CD1B: variants seen among roughly 807,000 people sequenced by gnomAD.
The protein encoded by CD1B is T-cell surface glycoprotein CD1b.
CD1B carries 43 observed loss-of-function variants against 39.8 expected under a neutral mutation model. That is an observed-to-expected ratio of 1.08 (90% CI 0.85 to 1.39). CD1B has a LOEUF of 1.39. Ranked by LOEUF, CD1B falls within the 40% of genes most tolerant of loss-of-function variation. The pLI is 0.00. For synonymous variants in CD1B, 192 were observed against 152.5 expected (o/e 1.26, Z -1.91); for missense variants, 495 against 403.8 (o/e 1.23, Z -1.94).
the CD1B span, among the ~76,000 whole-genome samples, chr1:158,310,642 A>T: frequency 1.3e-5 from 2 of 152,178 alleles, no homozygotes; most frequent in Non-Finnish European, 2.9e-5. Flanking sequence ...TCCTTAAAAA[A>T]TAGGCAAAGA....
At chr1:158,321,569 T>C in the CD1B span, among the ~76,000 whole-genome samples, 1 of 152,350 alleles carries the variant, frequency 6.6e-6, no homozygotes, top group East Asian at 1.9e-4. Flanking sequence ...CTAGTTATTT[T>C]GTAGATCCTT....
At chr1:158,313,693 CA>C in the CD1B span, among the ~76,000 whole-genome samples, 1 of 152,082 alleles carries the variant, frequency 6.6e-6, no homozygotes, top group African/African-American at 2.4e-5. Context: ...TAAGTCTGGA[CA>C]AATTTACTCT....
the CD1B span, chr1:158,293,071 G>A: frequency 4.5e-6 from 4 of 897,700 alleles, no homozygotes; most frequent in South Asian, 4.8e-5. Context: ...CCTTCCTTGA[G>A]TAAGTTTTGG....
At chr1:158,297,758 C>A in the CD1B span, among the ~76,000 whole-genome samples, 1 of 151,938 alleles carries the variant, frequency 6.6e-6, no homozygotes. Context: ...CATGGAAAAA[C>A]CCCATTTCTA....
downstream of CD1B, among the ~76,000 whole-genome samples, chr1:158,326,251 C>T (rs887631013): frequency 6.6e-6 from 1 of 152,106 alleles, no homozygotes; most frequent in South Asian, 2.1e-4. Context: ...GGATTACAGG[C>T]GTGAGCCACC....
the CD1B span, chr1:158,292,235 A>G: frequency 6.2e-7 from 1 of 1,614,166 alleles, no homozygotes; most frequent in African/African-American, 1.3e-5. Context: ...GTTTGGCCCA[A>G]AGTGTCTGTC....
the CD1B span, among the ~76,000 whole-genome samples, chr1:158,299,176 G>A: frequency 6.6e-6 from 1 of 152,122 alleles, no homozygotes; most frequent in African/African-American, 2.4e-5. Flanking sequence ...TTAGTATTTT[G>A]AGATATGTTC....
the CD1B span, among the ~76,000 whole-genome samples, chr1:158,313,637 G>C: frequency 6.6e-6 from 1 of 152,018 alleles, no homozygotes; most frequent in Non-Finnish European, 1.5e-5. Flanking sequence ...TTTTTGTTGT[G>C]TCATCTAGTT....
chr1:158,328,187 TG>T lies in CD1B; in HGVS notation c.*48del, dbSNP rs746130730. ...AAGATTGACTTTTGGGCTGATATCT[TG>T]GGCTTCTTGGTACTTATTGCGAATG... On this transcript the variant is annotated 3_prime_UTR_variant, in exon 6 of 6. Transcript: ENST00000368168. 2 of 1,476,502 alleles carry T rather than the reference TG, an allele frequency of 1.4e-6. No individual in the cohort carries two copies. Among genetic ancestry groups the T allele is most frequent in the Non-Finnish European group, 1.9e-6 (2 of 1,061,760 alleles). 91.5% of individuals were successfully genotyped at this position (1,476,502 alleles called of 1,614,324 possible).
At chr1:158,287,538 C>T in the CD1B span, among the ~76,000 whole-genome samples, 1 of 151,886 alleles carries the variant, frequency 6.6e-6, no homozygotes, top group East Asian at 1.9e-4. Flanking sequence ...CAGTCCATAA[C>T]AATGAGAAGG....
At chr1:158,316,780 T>C in the CD1B span, among the ~76,000 whole-genome samples, 3 of 151,756 alleles carry the variant, frequency 2.0e-5, no homozygotes, top group Admixed American at 6.6e-5. Flanking sequence ...TTCAGTATGA[T>C]ATTGGCTGTG....
At chr1:158,300,133 A>G in the CD1B span, among the ~76,000 whole-genome samples, 1 of 152,044 alleles carries the variant, frequency 6.6e-6, no homozygotes, top group African/African-American at 2.4e-5. Flanking sequence ...AGTGCTATAA[A>G]TTTCCCTCTA....
chr1:158,292,656 T>C, the CD1B span: 3 of 1,613,666 alleles, frequency 1.9e-6, no homozygotes, highest in Non-Finnish European at 8.5e-7. Context: ...CTGTTGCTGG[T>C]TTGTCATGCC....
chr1:158,293,319 T>G, the CD1B span: 1 of 1,602,048 alleles, frequency 6.2e-7, no homozygotes, highest in Non-Finnish European at 8.5e-7. Flanking sequence ...TTTTTGTATT[T>G]CCTCCTCTCC....
the CD1B span, among the ~76,000 whole-genome samples, chr1:158,287,168 C>G: frequency 7.2e-5 from 11 of 152,194 alleles, 1 homozygote; most frequent in Non-Finnish European, 1.2e-4. Flanking sequence ...GCTCTAGAGG[C>G]TAGAAGTTCA....
downstream of CD1B, among the ~76,000 whole-genome samples, chr1:158,325,912 G>C (rs1404534434): frequency 6.6e-6 from 1 of 152,166 alleles, no homozygotes; most frequent in Non-Finnish European, 1.5e-5. Flanking sequence ...TATGCCTCTT[G>C]TGAGATATAC....
At chr1:158,290,111 G>T in the CD1B span, 5 of 1,613,980 alleles carry the variant, frequency 3.1e-6, no homozygotes, top group Admixed American at 3.3e-5. Context: ...CTCCCAGGTG[G>T]TGACAATGCA....
chr1:158,327,054 C>T (rs1652380247), downstream of CD1B, among the ~76,000 whole-genome samples: 1 of 152,160 alleles, frequency 6.6e-6, no homozygotes. Context: ...GCCTCGGCCT[C>T]CCAAAGTGCT....
the CD1B span, among the ~76,000 whole-genome samples, chr1:158,317,160 A>G: frequency 3.9e-5 from 6 of 151,922 alleles, no homozygotes; most frequent in Non-Finnish European, 7.4e-5. Flanking sequence ...TTGGTATCAG[A>G]ATGATGCTGG....
Sources: allele counts gnomAD v4.1 joint callset (sites outside exome capture counted in the v4.1 genomes callset), GRCh38; gene constraint gnomAD v4.1.1; transcripts MANE v1.5; gene names NCBI Gene and HGNC (gene_info 2026-07-23, HGNC 2026-07-21).